TSHR: variants seen among roughly 807,000 people sequenced by gnomAD.
TSHR encodes thyrotropin receptor.
TSHR carries 51 observed loss-of-function variants against 64.1 expected under a neutral mutation model. That is an observed-to-expected ratio of 0.80 (90% confidence interval 0.64 to 1.01). TSHR has a LOEUF of 1.01. Ranked by LOEUF, TSHR falls within the 50% of genes least tolerant of loss-of-function variation. The probability of loss-of-function intolerance (pLI) is 0.00; values close to 1 mark genes in which losing one functional copy is unlikely to be tolerated. For synonymous variants in TSHR, 361 were observed against 361.9 expected (o/e 1.00, Z 0.03); for missense variants, 877 against 942.8 (o/e 0.93, Z 0.91).
intron 7 of TSHR, among the ~76,000 whole-genome samples, chr14:81,102,186 A>C (rs1377443819): frequency 3.9e-5 from 6 of 152,008 alleles, no homozygotes; most frequent in African/African-American, 7.2e-5. Context: ...AAAAAAAAAA[A>C]AAAAAACTAA....
chr14:80,982,709 C>A, intron 1 of TSHR: 2 of 877,932 alleles, frequency 2.3e-6, no homozygotes, highest in Middle Eastern at 2.4e-4. Flanking sequence ...GCATCTAAGG[C>A]AAGCCCTCCT....
intron 8 of TSHR, among the ~76,000 whole-genome samples, chr14:81,135,336 G>C (rs779911138): frequency 7.9e-5 from 12 of 152,328 alleles, no homozygotes; most frequent in African/African-American, 2.6e-4. Flanking sequence ...TGGATTTCAA[G>C]CTGGAAAGCA....
chr14:81,013,303 CT>C (rs759122133), intron 1 of TSHR: 1 of 152,182 alleles, frequency 6.6e-6, no homozygotes, highest in Non-Finnish European at 1.5e-5. Flanking sequence ...TGATCTATGT[CT>C]CTGTTTTGGT....
At chr14:81,059,323 A>G (rs114966524) in intron 1 of TSHR, among the ~76,000 whole-genome samples, 2,168 of 152,288 alleles carry the variant, frequency 0.014, 48 homozygotes, top group African/African-American at 0.049. Context: ...GCCAGAAAAG[A>G]AATTAAAGGA....
At chr14:81,081,403 G>C (rs953884192) in intron 3 of TSHR, among the ~76,000 whole-genome samples, 2 of 152,098 alleles carry the variant, frequency 1.3e-5, no homozygotes, top group East Asian at 3.9e-4. Context: ...AGATTGCATA[G>C]AGTGAAGTAT....
chr14:81,068,472 A>G, intron 3 of TSHR, 144 bp downstream of exon 3: 1 of 724,268 alleles, frequency 1.4e-6, no homozygotes, highest in Non-Finnish European at 2.4e-6. Context: ...ACCTGTTCTC[A>G]TTCTCAGTTC....
chr14:80,967,647 A>G (rs1352024781), intron 1 of TSHR, among the ~76,000 whole-genome samples: 1 of 152,122 alleles, frequency 6.6e-6, no homozygotes, highest in Non-Finnish European at 1.5e-5. Flanking sequence ...CGGGTGAGAG[A>G]TGATACTGGC....
At chr14:81,129,834 C>T (rs967742076) in intron 8 of TSHR, among the ~76,000 whole-genome samples, 4 of 152,200 alleles carry the variant, frequency 2.6e-5, no homozygotes, top group African/African-American at 7.2e-5. Flanking sequence ...TAGATCCCAT[C>T]GCCTCTCAAA....
intron 1 of TSHR, chr14:81,012,145 A>G (rs1233438888): frequency 9.5e-5 from 14 of 147,110 alleles, no homozygotes; most frequent in Middle Eastern, 3.3e-3. Flanking sequence ...CTGTGTCCAT[A>G]TGTTCTCATT....
chr14:81,004,509 C>A (rs1347531454), intron 1 of TSHR, among the ~76,000 whole-genome samples: 1 of 152,226 alleles, frequency 6.6e-6, no homozygotes, highest in East Asian at 1.9e-4. Context: ...ACTGCACATA[C>A]TATTCCCCTT....
intron 1 of TSHR, among the ~76,000 whole-genome samples, chr14:81,020,031 C>T (rs1883656680): frequency 6.6e-6 from 1 of 152,142 alleles, no homozygotes; most frequent in Admixed American, 6.5e-5. Flanking sequence ...TGAGGAATCG[C>T]CACACTGTCT....
intron 8 of TSHR, among the ~76,000 whole-genome samples, chr14:81,112,253 T>C (rs2140041013): frequency 6.6e-6 from 1 of 152,318 alleles, no homozygotes; most frequent in South Asian, 2.1e-4. Context: ...AGGAACTAAA[T>C]ATATCCTCAA....
chr14:80,992,869 T>C (rs1228278790), intron 1 of TSHR: 1 of 152,174 alleles, frequency 6.6e-6, no homozygotes, highest in Non-Finnish European at 1.5e-5. Flanking sequence ...CTTCTAAAAA[T>C]ATTAACTTAT....
chr14:81,022,106 C>CAAAAAA (rs10631450), intron 1 of TSHR, among the ~76,000 whole-genome samples: 1 of 115,572 alleles, frequency 8.7e-6, no homozygotes, highest in Non-Finnish European at 1.7e-5. Context: ...ACTAAAAATA[C>CAAAAAA]AAAAAAAAAA....
intron 3 of TSHR, among the ~76,000 whole-genome samples, chr14:81,077,466 G>A (rs938700286): frequency 6.6e-6 from 1 of 152,100 alleles, no homozygotes; most frequent in Admixed American, 6.6e-5. Flanking sequence ...CATATCCCAA[G>A]CACTACACTA....
chr14:80,985,791 T>TAAC (rs1433594148), intron 1 of TSHR, among the ~76,000 whole-genome samples: 2 of 152,140 alleles, frequency 1.3e-5, no homozygotes, highest in African/African-American at 2.4e-5. Flanking sequence ...TATGCCTCTA[T>TAAC]AACAACAACA....
intron 3 of TSHR, chr14:81,078,977 G>A (rs1240610902): frequency 6.6e-6 from 1 of 152,064 alleles, no homozygotes; most frequent in Non-Finnish European, 1.5e-5. Context: ...CTTAATCTGG[G>A]GTAATTTGTT....
chr14:81,011,027 C>G (rs1373010917), intron 1 of TSHR, among the ~76,000 whole-genome samples: 1 of 152,302 alleles, frequency 6.6e-6, no homozygotes, highest in South Asian at 2.1e-4. Flanking sequence ...TTGTATCTTA[C>G]TGTCGCTCTC....
intron 1 of TSHR, chr14:81,052,737 G>A (rs917640368): frequency 6.6e-6 from 1 of 152,006 alleles, no homozygotes; most frequent in Admixed American, 6.6e-5. Flanking sequence ...ATAGTTTTCA[G>A]TGTATAGGTT....
Sources: allele counts gnomAD v4.1 joint callset (sites outside exome capture counted in the v4.1 genomes callset), GRCh38; gene constraint gnomAD v4.1.1; transcripts MANE v1.5; gene names NCBI Gene and HGNC (gene_info 2026-07-23, HGNC 2026-07-21).